LPAR3: variants seen among roughly 807,000 people sequenced by gnomAD.
LPAR3 encodes lysophosphatidic acid receptor 3, also known as LPA receptor 3.
In LPAR3, 7 loss-of-function variants were observed where a neutral mutation model predicts 17.8. The observed-to-expected ratio is 0.39, with a 90% CI of 0.22 to 0.74. LPAR3 has a LOEUF of 0.74. Ranked by LOEUF, LPAR3 falls within the 30% of genes least tolerant of loss-of-function variation. The pLI, the probability that LPAR3 is intolerant of heterozygous loss-of-function variation, is 0.40. For missense variants in LPAR3, 391 were observed against 453.4 expected, an observed-to-expected ratio of 0.86 and a Z score of 1.25; for synonymous variants, 179 against 179.9, an observed-to-expected ratio of 0.99 and a Z score of 0.04.
intron 1 of LPAR3, among the ~76,000 whole-genome samples, chr1:84,871,108 A>G (rs1181438264): frequency 6.6e-6 from 1 of 152,070 alleles, no homozygotes; most frequent in Non-Finnish European, 1.5e-5. Context: ...ACTTCTGTCA[A>G]ATCCCAAGCT....
intron 2 of LPAR3, among the ~76,000 whole-genome samples, chr1:84,840,326 T>C (rs2389786): frequency 0.74 from 112,068 of 152,136 alleles, 41,282 homozygotes; most frequent in South Asian, 0.76. Context: ...GAGGAACTGA[T>C]CAAGATAAAG....
chr1:84,855,050 C>G (rs1484587877), intron 2 of LPAR3, among the ~76,000 whole-genome samples: 6 of 152,138 alleles, frequency 3.9e-5, no homozygotes, highest in African/African-American at 1.4e-4. Context: ...ACTGTCAGTG[C>G]AGGAGGGAAG....
intron 2 of LPAR3, among the ~76,000 whole-genome samples, chr1:84,842,602 A>G (rs376985959): frequency 7.2e-5 from 11 of 152,362 alleles, no homozygotes; most frequent in Admixed American, 4.6e-4. Context: ...AAACTTCATC[A>G]GTCTGCTTAT....
intron 2 of LPAR3, among the ~76,000 whole-genome samples, chr1:84,837,592 A>G (rs185757212): frequency 6.6e-6 from 1 of 152,356 alleles, no homozygotes; most frequent in African/African-American, 2.4e-5. Context: ...ACAGTGCATT[A>G]GCGAAGTCTT....
chr1:84,819,364 A>T (rs1458741233), intron 2 of LPAR3, among the ~76,000 whole-genome samples: 2 of 152,242 alleles, frequency 1.3e-5, no homozygotes, highest in African/African-American at 4.8e-5. Context: ...GCCAAATGAA[A>T]ATTAAAGGAA....
rs1553149966 is a variant in LPAR3 at position 84,879,316 on chromosome 1, C to CTTTTTCTTTT, written c.-18-13179_-18-13178insAAAAGAAAAA. ...TTTTCTTTCTTTTCTTTTCTTTTTT[C>CTTTTTCTTTT]TTTTTTTTTTTTTGAGATGGAATCT... On this transcript the variant is annotated intron_variant, in intron 1 of 2. Coordinates refer to ENST00000370611, the MANE Select transcript of LPAR3 (RefSeq NM_012152.3). Among the ~76,000 whole-genome samples the CTTTTTCTTTT allele has an allele frequency of 1.1e-4, 13 of 120,622 alleles. 2 individuals are homozygous for CTTTTTCTTTT. Among genetic ancestry groups the CTTTTTCTTTT allele is most frequent in the African/African-American group, 4.5e-4 (13 of 28,666 alleles). The allele number at this position is 120,622 out of a possible 152,430, so 79.1% of individuals were successfully genotyped here.
chr1:84,892,675 C>T (rs955279646), intron 1 of LPAR3, among the ~76,000 whole-genome samples: 3 of 152,240 alleles, frequency 2.0e-5, no homozygotes, highest in African/African-American at 7.2e-5. Context: ...TGGAAAGAAC[C>T]ACGTGTGCAA....
chr1:84,878,391 G>C (rs1660296727), intron 1 of LPAR3, among the ~76,000 whole-genome samples: 1 of 151,952 alleles, frequency 6.6e-6, no homozygotes, highest in African/African-American at 2.4e-5. Flanking sequence ...GACACTTCCA[G>C]ACTTGGTTCT....
chr1:84,823,722 C>T (rs1000440428), intron 2 of LPAR3, among the ~76,000 whole-genome samples: 10 of 152,112 alleles, frequency 6.6e-5, no homozygotes, highest in Non-Finnish European at 1.5e-4. Flanking sequence ...AAGAAAACAC[C>T]ATCTCCACCT....
At chr1:84,834,900 C>A (rs1204637250) in intron 2 of LPAR3, among the ~76,000 whole-genome samples, 1 of 152,204 alleles carries the variant, frequency 6.6e-6, no homozygotes, top group Non-Finnish European at 1.5e-5. Context: ...CTGCACCAGG[C>A]TGCCAGGTCC....
At chr1:84,879,422 C>G (rs1660321812) in intron 1 of LPAR3, among the ~76,000 whole-genome samples, 1 of 150,764 alleles carries the variant, frequency 6.6e-6, no homozygotes, top group Non-Finnish European at 1.5e-5. Flanking sequence ...TGCCATTCTC[C>G]TGCCTCAGCC....
At chr1:84,831,119 C>G (rs1659275301) in intron 2 of LPAR3, among the ~76,000 whole-genome samples, 1 of 152,058 alleles carries the variant, frequency 6.6e-6, no homozygotes, top group Admixed American at 6.6e-5. Context: ...CCTTTTTTAC[C>G]CTTGCTAATG....
intron 2 of LPAR3, among the ~76,000 whole-genome samples, chr1:84,814,741 A>G (rs961267247): frequency 6.6e-6 from 1 of 152,256 alleles, no homozygotes; most frequent in Non-Finnish European, 1.5e-5. Context: ...TCATAAATTC[A>G]TGTGGATGCT....
At chr1:84,831,081 T>C (rs777930716) in intron 2 of LPAR3, among the ~76,000 whole-genome samples, 34 of 152,314 alleles carry the variant, frequency 2.2e-4, no homozygotes, top group Middle Eastern at 3.4e-3. Flanking sequence ...TAATTTGTAG[T>C]TTAAAAAAAA....
chr1:84,857,064 G>A (rs992694601), intron 2 of LPAR3, among the ~76,000 whole-genome samples: 5 of 152,080 alleles, frequency 3.3e-5, no homozygotes, highest in African/African-American at 9.7e-5. Context: ...ATCTGTCAAG[G>A]CAGCCTCTGC....
chr1:84,819,648 G>T (rs776488474), intron 2 of LPAR3, among the ~76,000 whole-genome samples: 4 of 152,152 alleles, frequency 2.6e-5, no homozygotes, highest in African/African-American at 4.8e-5. Flanking sequence ...CTCTAGAGAT[G>T]AATATCTTCA....
intron 2 of LPAR3, among the ~76,000 whole-genome samples, chr1:84,823,148 T>G (rs751763254): frequency 1.3e-5 from 2 of 152,186 alleles, no homozygotes; most frequent in Non-Finnish European, 2.9e-5. Context: ...GAAAAGGAAT[T>G]TTTAAAGTAG....
chr1:84,879,828 G>C (rs569087207), intron 1 of LPAR3, among the ~76,000 whole-genome samples: 32 of 152,254 alleles, frequency 2.1e-4, no homozygotes, highest in African/African-American at 7.7e-4. Flanking sequence ...TTCCCTACCT[G>C]TAAGTTGGAA....
chr1:84,841,429 A>G (rs78015271), intron 2 of LPAR3, among the ~76,000 whole-genome samples: 21,659 of 152,148 alleles, frequency 0.14, 1,776 homozygotes, highest in Middle Eastern at 0.27. Context: ...AGGAAAAGAA[A>G]AGTGAATGAA....
Sources: gnomAD v4.1 joint callset for allele counts (sites outside exome capture counted in the v4.1 genomes callset) on GRCh38, gnomAD v4.1.1 for gene constraint, MANE v1.5 for transcripts, NCBI Gene and HGNC (gene_info 2026-07-23, HGNC 2026-07-21) for gene names.